MAST4: variants seen among roughly 807,000 people sequenced by gnomAD.
MAST4 encodes the protein microtubule associated serine/threonine kinase family member 4.
MAST4 carries 89 observed loss-of-function variants against 162.7 expected under a neutral mutation model. The observed-to-expected ratio is 0.55, with a 90% CI of 0.46 to 0.65. The LOEUF (loss-of-function observed/expected upper bound fraction) is 0.65, where lower values mean the gene tolerates loss of function less well. MAST4 is among the 30% of genes least tolerant of loss of function. The probability of loss-of-function intolerance (pLI) is 0.00; values close to 1 mark genes in which losing one functional copy is unlikely to be tolerated. For missense variants in MAST4, 3,153 were observed against 3,374.0 expected, an observed-to-expected ratio of 0.93 and a Z score of 1.62; for synonymous variants, 1,479 against 1,361.1, an observed-to-expected ratio of 1.09 and a Z score of -1.91.
intron 5 of MAST4, among the ~76,000 whole-genome samples, chr5:67,072,203 A>G (rs79666321): frequency 0.054 from 8,215 of 152,302 alleles, 652 homozygotes; most frequent in African/African-American, 0.17. Context: ...AAATGTGAAA[A>G]GTTGGTAGAA....
intron 4 of MAST4, among the ~76,000 whole-genome samples, chr5:66,940,652 A>G (rs1253285138): frequency 6.6e-6 from 1 of 152,064 alleles, no homozygotes; most frequent in Non-Finnish European, 1.5e-5. Flanking sequence ...TATTTCTACT[A>G]TATCTGCAGT....
At chr5:67,068,972 C>T (rs540924043) in intron 5 of MAST4, among the ~76,000 whole-genome samples, 2 of 151,784 alleles carry the variant, frequency 1.3e-5, no homozygotes, top group African/African-American at 2.4e-5. Context: ...CATGCATTTC[C>T]TAAGTATTCC....
chr5:66,720,799 A>G (rs929891815), intron 1 of MAST4, among the ~76,000 whole-genome samples: 3 of 152,020 alleles, frequency 2.0e-5, no homozygotes, highest in African/African-American at 7.2e-5. Flanking sequence ...TTGTTTAATA[A>G]TTTTTAAGGT....
At chr5:66,724,573 AT>A (rs1751403847) in intron 1 of MAST4, among the ~76,000 whole-genome samples, 1 of 152,128 alleles carries the variant, frequency 6.6e-6, no homozygotes, top group Non-Finnish European at 1.5e-5. Context: ...CAATTTTGTC[AT>A]TTCGCAAACA....
At chr5:66,995,289 ATTG>A (rs1412855785) in intron 4 of MAST4, among the ~76,000 whole-genome samples, 1 of 152,170 alleles carries the variant, frequency 6.6e-6, no homozygotes, top group Non-Finnish European at 1.5e-5. Flanking sequence ...AAAAGTGTGT[ATTG>A]TTTTCTTAAG....
At chr5:67,158,513 G>A (rs1482455890) in intron 26 of MAST4, among the ~76,000 whole-genome samples, 60 of 151,916 alleles carry the variant, frequency 3.9e-4, no homozygotes, top group Non-Finnish European at 1.0e-4. Context: ...CGAGGCTGTG[G>A]TGAGCTGTGA....
chr5:67,114,163 C>T lies in MAST4; in HGVS notation c.1535C>T (p.Thr512Ile). ...GHAKEGQGIKTDIPRYIISQL... is the reference protein window; with the variant it reads ...GHAKEGQGIKIDIPRYIISQL... The stretch of plus-strand genomic sequence containing the variant: ...GCCAAAGAAGGACAGGGTATTAAAA[C>T]CGACATTCCCAGGTACATCATTAGC... The change falls in exon 12 of 29, where the codon ACC (threonine) becomes ATC (isoleucine). Residue 512 changes from threonine (T) to isoleucine (I), a missense_variant. Around this residue, in one of 7 missense-constraint regions of MAST4, gnomAD observed 360 missense variants for 450.0 expected, o/e 0.80. Transcript: ENST00000403625. The T allele has an allele frequency of 1.9e-6, 3 of 1,612,394 alleles. No homozygotes were observed. Among genetic ancestry groups the T allele is most frequent in the South Asian group, 2.2e-5 (2 of 90,758 alleles).
intron 3 of MAST4, among the ~76,000 whole-genome samples, chr5:66,843,359 A>T (rs1479793671): frequency 6.6e-6 from 1 of 152,202 alleles, no homozygotes; most frequent in Non-Finnish European, 1.5e-5. Context: ...GTGTGTCAGC[A>T]AGATAGTTCC....
chr5:66,676,307 G>A (rs1004763370), intron 1 of MAST4, among the ~76,000 whole-genome samples: 12 of 152,208 alleles, frequency 7.9e-5, no homozygotes, highest in African/African-American at 1.2e-4. Context: ...TACACTGACT[G>A]TGCCTTGATG....
At chr5:66,886,050 A>G (rs1762018138) in intron 3 of MAST4, among the ~76,000 whole-genome samples, 1 of 152,178 alleles carries the variant, frequency 6.6e-6, no homozygotes. Context: ...TAGGTAGTTT[A>G]CCCAAGGCCG....
chr5:66,764,389 C>T (rs1163146577), intron 2 of MAST4, among the ~76,000 whole-genome samples: 1 of 152,164 alleles, frequency 6.6e-6, no homozygotes, highest in African/African-American at 2.4e-5. Context: ...ATGCAAACGG[C>T]ATGGTGAAGC....
At chr5:67,144,910 T>G in intron 22 of MAST4, 114 bp downstream of exon 22, 1 of 1,287,782 alleles carries the variant, frequency 7.8e-7, no homozygotes, top group Non-Finnish European at 1.1e-6. Flanking sequence ...ATCTCCCACT[T>G]CCAGAGTTTC....
intron 4 of MAST4, among the ~76,000 whole-genome samples, chr5:67,046,133 C>T (rs1277618295): frequency 1.3e-5 from 2 of 152,072 alleles, no homozygotes; most frequent in African/African-American, 4.8e-5. Flanking sequence ...CCCATATAGC[C>T]TCAGTGTGCA....
chr5:67,019,881 AC>A (rs1204173554), intron 4 of MAST4, among the ~76,000 whole-genome samples: 1 of 152,034 alleles, frequency 6.6e-6, no homozygotes, highest in Admixed American at 6.6e-5. Context: ...GTCTAGTTGA[AC>A]CCCCTCATTA....
chr5:66,865,592 A>G (rs1760453706), intron 3 of MAST4, among the ~76,000 whole-genome samples: 1 of 152,204 alleles, frequency 6.6e-6, no homozygotes, highest in Non-Finnish European at 1.5e-5. Context: ...AGTATATGTA[A>G]TAGTACTTGT....
chr5:66,794,882 A>G (rs143671412), intron 3 of MAST4, among the ~76,000 whole-genome samples: 114 of 152,332 alleles, frequency 7.5e-4, no homozygotes, highest in African/African-American at 2.7e-3. Flanking sequence ...ATATATTCAA[A>G]GAGCCTTGAT....
chr5:66,677,811 G>C (rs1005217526), intron 1 of MAST4, among the ~76,000 whole-genome samples: 1 of 152,124 alleles, frequency 6.6e-6, no homozygotes, highest in Non-Finnish European at 1.5e-5. Context: ...AGGAGGAGGT[G>C]GTGGGCCTGG....
At chr5:66,691,569 G>A (rs1749041831) in intron 1 of MAST4, among the ~76,000 whole-genome samples, 1 of 152,162 alleles carries the variant, frequency 6.6e-6, no homozygotes, top group African/African-American at 2.4e-5. Flanking sequence ...CACAATTCTG[G>A]AACTTGGGAA....
At chr5:66,961,700 G>A (rs1746038395) in intron 4 of MAST4, among the ~76,000 whole-genome samples, 1 of 152,166 alleles carries the variant, frequency 6.6e-6, no homozygotes, top group African/African-American at 2.4e-5. Flanking sequence ...CTCATCATGT[G>A]TGTTTCCGCA....
Sources: gnomAD v4.1 joint callset for allele counts (sites outside exome capture counted in the v4.1 genomes callset) on GRCh38, gnomAD v4.1.1 for gene constraint, gnomAD v4.1.1 regional missense constraint, MANE v1.5 for transcripts, NCBI Gene and HGNC (gene_info 2026-07-23, HGNC 2026-07-21) for gene names.